PTCHD4: variants seen among roughly 807,000 people sequenced by gnomAD.
The protein encoded by PTCHD4 is patched domain-containing protein 4.
In PTCHD4, 33 loss-of-function variants were observed where a neutral mutation model predicts 58.1. The observed-to-expected ratio is 0.57, with a 90% CI of 0.43 to 0.76. PTCHD4 has a LOEUF of 0.76. Among genes scored for constraint, PTCHD4 ranks in the 30% least tolerant of loss-of-function variants. PTCHD4 has a pLI of 0.00. For missense variants in PTCHD4, 1,058 were observed against 1,027.1 expected (o/e 1.03, Z -0.41); for synonymous variants, 478 against 409.6 (o/e 1.17, Z -2.02).
intron 1 of PTCHD4, among the ~76,000 whole-genome samples, chr6:48,110,214 C>G (rs1010248051): frequency 2.6e-5 from 4 of 152,164 alleles, no homozygotes; most frequent in Non-Finnish European, 4.4e-5. Flanking sequence ...ACTTAAATAT[C>G]TATTAACACA....
chr6:47,983,692 G>T (rs777335088), intron 4 of PTCHD4, among the ~76,000 whole-genome samples: 1 of 152,104 alleles, frequency 6.6e-6, no homozygotes, highest in Non-Finnish European at 1.5e-5. Context: ...AATTACCGAT[G>T]ACCTTAGCAA....
chr6:47,914,744 T>TTACC (rs1765184861), intron 4 of PTCHD4, among the ~76,000 whole-genome samples: 1 of 116,232 alleles, frequency 8.6e-6, no homozygotes, highest in Non-Finnish European at 1.9e-5. Flanking sequence ...TATCTATCTA[T>TTACC]TATCTATCTA....
At chr6:47,982,576 C>T (rs1767922343) in intron 4 of PTCHD4, among the ~76,000 whole-genome samples, 3 of 151,592 alleles carry the variant, frequency 2.0e-5, no homozygotes, top group Admixed American at 2.0e-4. Context: ...GCAGGCTCCG[C>T]CTCCCGGGTT....
intron 1 of PTCHD4, among the ~76,000 whole-genome samples, chr6:48,102,655 G>C (rs1399411165): frequency 6.6e-6 from 1 of 152,228 alleles, no homozygotes; most frequent in African/African-American, 2.4e-5. Flanking sequence ...AGCCGAAGCA[G>C]GGCGAGGCAT....
At chr6:48,033,336 C>G (rs1763516928) in intron 3 of PTCHD4, among the ~76,000 whole-genome samples, 1 of 152,016 alleles carries the variant, frequency 6.6e-6, no homozygotes, top group African/African-American at 2.4e-5. Context: ...ATGTGACAGT[C>G]TGTACTTTTT....
intron 4 of PTCHD4, among the ~76,000 whole-genome samples, chr6:47,934,674 T>C (rs1171106833): frequency 6.6e-6 from 1 of 152,180 alleles, no homozygotes; most frequent in African/African-American, 2.4e-5. Flanking sequence ...AATAAAGCAT[T>C]TGGGTCTGAA....
intron 4 of PTCHD4, among the ~76,000 whole-genome samples, chr6:47,972,918 T>C (rs1263151967): frequency 6.6e-6 from 1 of 152,148 alleles, no homozygotes; most frequent in Non-Finnish European, 1.5e-5. Context: ...GAATGAATTT[T>C]ATGGCTTGCA....
At chr6:48,083,472 C>T (rs1051970765) in intron 1 of PTCHD4, among the ~76,000 whole-genome samples, 1 of 152,074 alleles carries the variant, frequency 6.6e-6, no homozygotes, top group Middle Eastern at 3.4e-3. Flanking sequence ...AATAATGGCC[C>T]TAGATATATG....
chr6:47,998,324 C>A (rs1187440989), intron 4 of PTCHD4, among the ~76,000 whole-genome samples: 2 of 152,128 alleles, frequency 1.3e-5, no homozygotes, highest in Admixed American at 6.6e-5. Flanking sequence ...GCTATTCAAT[C>A]CTGATTCACT....
intron 1 of PTCHD4, among the ~76,000 whole-genome samples, chr6:48,108,451 G>A (rs994977232): frequency 5.3e-5 from 8 of 152,102 alleles, no homozygotes; most frequent in Non-Finnish European, 1.2e-4. Flanking sequence ...AGGGACTGTT[G>A]TGGGGTGGGG....
In PTCHD4 at chr6:47,874,005, C is replaced by A. The variant is rs538122799; in HGVS notation, c.*4298G>T. 6.6e-6 allele frequency among the ~76,000 whole-genome samples: 1 copy of A among 151,790 alleles called. No homozygotes were observed. Among genetic ancestry groups the A allele is most frequent in the East Asian group, 1.9e-4 (1 of 5,150 alleles). On this transcript the variant is annotated 3_prime_UTR_variant, in exon 5 of 5. Transcript: ENST00000339488. The stretch of plus-strand genomic sequence containing the variant: ...ACAGAAAGATCCCTGTAGTAGGATG[C>A]CGAGCAAATCATTGACTTCTCCAAT...
rs1168834678 is a variant in PTCHD4, at chr6:47,859,895, G to C, written c.*18408C>G. On this transcript the variant is annotated 3_prime_UTR_variant, in exon 5 of 5. Transcript: ENST00000339488. ...CTGCAATGACAAAAGACCAAAGGGG[G>C]TGCATGGTTGATGCAGAGAGAACAA... is the stretch of plus-strand genomic sequence containing the variant. Among the ~76,000 whole-genome samples the C allele has an allele frequency of 1.3e-5, 2 of 152,000 alleles. No homozygotes were observed. The highest frequency in any genetic ancestry group is 4.8e-5 in the African/African-American group (2 of 41,420).
At chr6:47,937,713 A>G (rs1485194470) in intron 4 of PTCHD4, among the ~76,000 whole-genome samples, 3 of 152,292 alleles carry the variant, frequency 2.0e-5, no homozygotes, top group Non-Finnish European at 4.4e-5. Context: ...GCAGAGATGA[A>G]TGGATATGGA....
At chr6:47,982,870 T>A (rs900470600) in intron 4 of PTCHD4, among the ~76,000 whole-genome samples, 15 of 152,190 alleles carry the variant, frequency 9.9e-5, no homozygotes, top group Non-Finnish European at 1.8e-4. Context: ...AATGAAGTAA[T>A]GAATTAACTT....
intron 4 of PTCHD4, among the ~76,000 whole-genome samples, chr6:48,007,011 G>T (rs1762460794): frequency 1.3e-5 from 2 of 152,162 alleles, no homozygotes; most frequent in Non-Finnish European, 2.9e-5. Context: ...GGCTGAAGTG[G>T]GTGGATCACC....
At chr6:47,996,243 C>T (rs892275135) in intron 4 of PTCHD4, among the ~76,000 whole-genome samples, 1 of 151,954 alleles carries the variant, frequency 6.6e-6, no homozygotes, top group African/African-American at 2.4e-5. Flanking sequence ...CTGAGGCGAG[C>T]GGATCACTTG....
chr6:48,041,874 G>A (rs1435848448), intron 3 of PTCHD4, among the ~76,000 whole-genome samples: 1 of 151,660 alleles, frequency 6.6e-6, no homozygotes, highest in Non-Finnish European at 1.5e-5. Context: ...GAAATTATTT[G>A]TGAATGTTTA....
chr6:47,890,820 T>A, intron 4 of PTCHD4: 2 of 856,160 alleles, frequency 2.3e-6, no homozygotes, highest in Non-Finnish European at 2.8e-6. Flanking sequence ...CAGGATGGCT[T>A]GCTTTCCTGC....
At chr6:47,887,240 T>C (rs1162216954) in intron 4 of PTCHD4, among the ~76,000 whole-genome samples, 1 of 149,538 alleles carries the variant, frequency 6.7e-6, no homozygotes. Context: ...TTTATGTAAT[T>C]TACTCTATAC....
Sources: gnomAD v4.1 joint callset for allele counts (sites outside exome capture counted in the v4.1 genomes callset) on GRCh38, gnomAD v4.1.1 for gene constraint, MANE v1.5 for transcripts, NCBI Gene and HGNC (gene_info 2026-07-23, HGNC 2026-07-21) for gene names.